Variants in AKAP6 observed in about 807,000 individuals in gnomAD.
AKAP6 encodes the protein A-kinase anchoring protein 6.
A neutral mutation model predicts 188.5 loss-of-function variants in AKAP6; 58 were observed. The ratio of observed to expected loss-of-function variants is 0.31; its 90% CI spans 0.25 to 0.38. The LOEUF is 0.38. AKAP6 is among the 10% of genes least tolerant of loss of function. AKAP6 has a pLI of 1.00. For missense variants in AKAP6, 2,710 were observed against 2,740.0 expected (o/e 0.99, Z 0.24); for synonymous variants, 989 against 998.6 (o/e 0.99, Z 0.18).
At chr14:32,722,294 G>T (rs1006425924) in intron 9 of AKAP6, among the ~76,000 whole-genome samples, 2 of 152,054 alleles carry the variant, frequency 1.3e-5, no homozygotes, top group African/African-American at 4.8e-5. Context: ...TACAAGGTTG[G>T]GGCCTAGCAA....
intron 11 of AKAP6, among the ~76,000 whole-genome samples, chr14:32,758,379 C>T (rs1412302252): frequency 6.6e-6 from 1 of 152,306 alleles, no homozygotes; most frequent in South Asian, 2.1e-4. Context: ...GTAACTTTCA[C>T]ATCCCAATTT....
chr14:32,808,636 C>T lies in AKAP6; in HGVS notation c.3589-12766C>T, dbSNP rs74041705. Among the ~76,000 whole-genome samples, 251 of 152,324 alleles carry T rather than the reference C, an allele frequency of 1.6e-3. 1 individual carries two copies. The highest frequency in any genetic ancestry group is 5.8e-3 in the African/African-American group (243 of 41,568). On this transcript the variant is annotated intron_variant, in intron 12 of 13. Coordinates refer to ENST00000280979, the MANE Select transcript of AKAP6 (RefSeq NM_004274.5). ...TTGTTTTACGGTCCGAAAGAACCCACTTCAAATAGGGAAGGGAGTCCAATT... is the reference window on the plus strand; with the variant it reads ...TTGTTTTACGGTCCGAAAGAACCCATTTCAAATAGGGAAGGGAGTCCAATT...
At chr14:32,754,537 A>T (rs1235460867) in intron 11 of AKAP6, among the ~76,000 whole-genome samples, 1 of 152,136 alleles carries the variant, frequency 6.6e-6, no homozygotes, top group African/African-American at 2.4e-5. Flanking sequence ...CAAGTGATTT[A>T]TGCACCACCA....
chr14:32,749,683 T>G (rs2139899012), intron 11 of AKAP6, among the ~76,000 whole-genome samples: 1 of 152,276 alleles, frequency 6.6e-6, no homozygotes, highest in Admixed American at 6.5e-5. Flanking sequence ...AGAAATACAC[T>G]AATAAACTGC....
intron 7 of AKAP6, among the ~76,000 whole-genome samples, chr14:32,643,128 T>G (rs1011159617): frequency 6.6e-6 from 1 of 152,176 alleles, no homozygotes; most frequent in Non-Finnish European, 1.5e-5. Context: ...AAAGGGACTC[T>G]ATTAATCATT....
chr14:32,773,560 T>C, intron 11 of AKAP6, 118 bp from the exon 12 acceptor site: 3 of 954,374 alleles, frequency 3.1e-6, no homozygotes, highest in Non-Finnish European at 4.8e-6. Context: ...CTTCTTGTCC[T>C]ATTGTTGGTA....
intron 1 of AKAP6, among the ~76,000 whole-genome samples, chr14:32,396,046 G>GTATATA (rs568013360): frequency 6.6e-6 from 1 of 151,520 alleles, no homozygotes; most frequent in African/African-American, 2.4e-5. Context: ...GCTATAATGT[G>GTATATA]TATATATATA....
At chr14:32,743,517 A>G (rs1274931768) in intron 11 of AKAP6, among the ~76,000 whole-genome samples, 2 of 151,538 alleles carry the variant, frequency 1.3e-5, no homozygotes, top group African/African-American at 4.9e-5. Flanking sequence ...CTTGCTTTTC[A>G]TTGTTTGTGT....
At chr14:32,437,107 T>C (rs989895028) in intron 2 of AKAP6, among the ~76,000 whole-genome samples, 3 of 152,148 alleles carry the variant, frequency 2.0e-5, no homozygotes, top group Non-Finnish European at 4.4e-5. Flanking sequence ...CAAAGAAGCA[T>C]TGGGTTTGTT....
intron 11 of AKAP6, among the ~76,000 whole-genome samples, chr14:32,766,404 A>G (rs558633555): frequency 1.3e-5 from 2 of 152,166 alleles, no homozygotes; most frequent in South Asian, 2.1e-4. Flanking sequence ...TACAGTAATT[A>G]TATGTTTAAC....
intron 2 of AKAP6, chr14:32,494,508 A>G (rs1467517419): frequency 6.6e-6 from 1 of 152,150 alleles, no homozygotes. Flanking sequence ...GCTATGTGTC[A>G]CATTGTAAAG....
chr14:32,573,952 C>T (rs768235545), intron 4 of AKAP6, among the ~76,000 whole-genome samples: 5 of 152,148 alleles, frequency 3.3e-5, no homozygotes, highest in Non-Finnish European at 7.4e-5. Flanking sequence ...CCACTGTACA[C>T]AGAAACCCGG....
chr14:32,709,396 G>T (rs2139745095), intron 9 of AKAP6, among the ~76,000 whole-genome samples: 1 of 152,028 alleles, frequency 6.6e-6, no homozygotes, highest in Non-Finnish European at 1.5e-5. Context: ...CCCTGGTGGG[G>T]TGGACATCTC....
intron 2 of AKAP6, among the ~76,000 whole-genome samples, chr14:32,475,567 C>T (rs558424271): frequency 4.1e-4 from 63 of 152,260 alleles, no homozygotes; most frequent in Non-Finnish European, 7.5e-4. Flanking sequence ...TGTGGAAGAT[C>T]GAGCAAAACC....
chr14:32,645,543 A>G (rs553593625), intron 7 of AKAP6, among the ~76,000 whole-genome samples: 1 of 152,266 alleles, frequency 6.6e-6, no homozygotes, highest in South Asian at 2.1e-4. Flanking sequence ...CAGCCTGCTG[A>G]GTAGCTGGGA....
intron 7 of AKAP6, among the ~76,000 whole-genome samples, chr14:32,626,994 CAACTT>C (rs983564473): frequency 6.6e-6 from 1 of 152,090 alleles, no homozygotes; most frequent in Admixed American, 6.6e-5. Context: ...GTTAGACTGT[CAACTT>C]AATTTCCCTA....
chr14:32,414,318 G>C (rs905543835), intron 1 of AKAP6, among the ~76,000 whole-genome samples: 1 of 152,254 alleles, frequency 6.6e-6, no homozygotes, highest in East Asian at 1.9e-4. Flanking sequence ...GTTTGGAAAA[G>C]ACTGAATTAC....
At chr14:32,571,463 G>A (rs1884484099) in intron 4 of AKAP6, among the ~76,000 whole-genome samples, 1 of 152,166 alleles carries the variant, frequency 6.6e-6, no homozygotes, top group African/African-American at 2.4e-5. Flanking sequence ...TCAGGAGTTG[G>A]AGGCTGCAGT....
chr14:32,669,001 G>C (rs1347917797), intron 7 of AKAP6, among the ~76,000 whole-genome samples: 1 of 152,058 alleles, frequency 6.6e-6, no homozygotes, highest in Non-Finnish European at 1.5e-5. Flanking sequence ...AACAAACTTA[G>C]TAAGTCTTTC....
Sources: gnomAD v4.1 joint callset for allele counts (sites outside exome capture counted in the v4.1 genomes callset) on GRCh38, gnomAD v4.1.1 for gene constraint, MANE v1.5 for transcripts, NCBI Gene and HGNC (gene_info 2026-07-23, HGNC 2026-07-21) for gene names.